Variants in FHIT observed in about 807,000 individuals in gnomAD.
FHIT encodes bis(5'-adenosyl)-triphosphatase.
FHIT carries 19 observed loss-of-function variants against 17.9 expected under a neutral mutation model. The ratio of observed to expected loss-of-function variants is 1.06; its 90% CI spans 0.74 to 1.56. The LOEUF (loss-of-function observed/expected upper bound fraction) is 1.56, where lower values mean the gene tolerates loss of function less well. Among genes scored for constraint, FHIT ranks in the 40% most tolerant of loss-of-function variants. The probability of loss-of-function intolerance (pLI) is 0.00; values close to 1 mark genes in which losing one functional copy is unlikely to be tolerated. For missense variants in FHIT, 248 were observed against 189.2 expected, an observed-to-expected ratio of 1.31 and a Z score of -1.82; for synonymous variants, 81 against 69.7, an observed-to-expected ratio of 1.16 and a Z score of -0.81.
chr3:60,458,147 G>C (rs983207033), intron 5 of FHIT, among the ~76,000 whole-genome samples: 28 of 152,092 alleles, frequency 1.8e-4, no homozygotes, highest in African/African-American at 5.5e-4. Context: ...TGTTTATTGC[G>C]GCACTACTCA....
intron 7 of FHIT, among the ~76,000 whole-genome samples, chr3:60,010,623 C>G (rs1037089794): frequency 1.3e-5 from 2 of 152,146 alleles, no homozygotes; most frequent in African/African-American, 4.8e-5. Flanking sequence ...AAAAATAGAG[C>G]CTTTTCTATG....
At chr3:61,014,298 C>T (rs945491174) in intron 3 of FHIT, among the ~76,000 whole-genome samples, 5 of 152,106 alleles carry the variant, frequency 3.3e-5, no homozygotes, top group Non-Finnish European at 7.4e-5. Flanking sequence ...CTCTCCTTTC[C>T]TTTGTCTCTG....
rs549554125 is a variant in FHIT, at chr3:60,398,221, C to G, written c.103+138639G>C. 2.0e-5 allele frequency among the ~76,000 whole-genome samples: 3 copies of G among 152,258 alleles called. No individual in the cohort carries two copies. In the South Asian group the frequency reaches 6.2e-4, roughly 32 times the overall value. On this transcript the variant is annotated intron_variant, in intron 5 of 9. Transcript: ENST00000492590. ...TACATTAACTCTCTTTCTCCTGTAG[C>G]TATGAGGAATGGGAAGCTGTGGTTA...
chr3:61,005,015 G>A (rs981492851), intron 3 of FHIT, among the ~76,000 whole-genome samples: 1 of 152,208 alleles, frequency 6.6e-6, no homozygotes, highest in Non-Finnish European at 1.5e-5. Flanking sequence ...ACAGCAGAGA[G>A]GGAGAAGAAC....
chr3:60,266,009 A>G (rs1349570280), intron 5 of FHIT, among the ~76,000 whole-genome samples: 1 of 152,002 alleles, frequency 6.6e-6, no homozygotes, highest in Admixed American at 6.6e-5. Flanking sequence ...TAAAGATAGT[A>G]TATATAAAGG....
At chr3:60,743,878 G>C (rs2042288011) in intron 4 of FHIT, among the ~76,000 whole-genome samples, 1 of 152,190 alleles carries the variant, frequency 6.6e-6, no homozygotes, top group African/African-American at 2.4e-5. Context: ...AGCTCGCTCT[G>C]TTTGGCTGGA....
chr3:60,237,873 T>C (rs567392767), intron 5 of FHIT, among the ~76,000 whole-genome samples: 4 of 152,100 alleles, frequency 2.6e-5, no homozygotes, highest in Non-Finnish European at 5.9e-5. Flanking sequence ...TGGTGGCTTA[T>C]GCCTATAATC....
At chr3:60,563,204 G>C (rs9863683) in intron 4 of FHIT, among the ~76,000 whole-genome samples, 17,274 of 152,174 alleles carry the variant, frequency 0.11, 1,183 homozygotes, top group Middle Eastern at 0.21. Context: ...ACTTGAGTTG[G>C]TGAGGCAGCA....
chr3:60,712,259 A>G (rs1170942199), intron 4 of FHIT, among the ~76,000 whole-genome samples: 1 of 152,216 alleles, frequency 6.6e-6, no homozygotes, highest in African/African-American at 2.4e-5. Flanking sequence ...GCTGCCCTAA[A>G]AGAGCTCCTG....
intron 3 of FHIT, among the ~76,000 whole-genome samples, chr3:61,024,178 C>G (rs895776126): frequency 6.6e-6 from 1 of 152,004 alleles, no homozygotes; most frequent in Non-Finnish European, 1.5e-5. Flanking sequence ...CGCATCTTTT[C>G]AAAACAACCT....
chr3:59,982,243 C>A (rs1315545416), intron 7 of FHIT, among the ~76,000 whole-genome samples: 3 of 151,208 alleles, frequency 2.0e-5, no homozygotes, highest in African/African-American at 7.3e-5. Flanking sequence ...CACAAAATAA[C>A]ATCCCTGAAG....
At chr3:61,069,470 T>C (rs28726379) in intron 2 of FHIT, among the ~76,000 whole-genome samples, 15,883 of 152,130 alleles carry the variant, frequency 0.1, 2,479 homozygotes, top group African/African-American at 0.34. Context: ...TAGCCATGAT[T>C]AAGGACTGTT....
chr3:60,873,092 GT>G (rs1281404920), intron 3 of FHIT, among the ~76,000 whole-genome samples: 2 of 151,886 alleles, frequency 1.3e-5, no homozygotes, highest in African/African-American at 4.8e-5. Context: ...TTTTTTGTCT[GT>G]TTTTGTTTTT....
chr3:60,352,776 G>A (rs1473247924), intron 5 of FHIT, among the ~76,000 whole-genome samples: 1 of 152,082 alleles, frequency 6.6e-6, no homozygotes, highest in East Asian at 1.9e-4. Flanking sequence ...AGCCTCACAG[G>A]TCACTGGGTT....
chr3:60,564,603 C>A (rs1166239633), intron 4 of FHIT, among the ~76,000 whole-genome samples: 4 of 152,070 alleles, frequency 2.6e-5, no homozygotes, highest in Admixed American at 6.6e-5. Flanking sequence ...TTGATTCCAG[C>A]CCTCATGGAT....
intron 7 of FHIT, among the ~76,000 whole-genome samples, chr3:59,934,596 C>T (rs1706138443): frequency 6.6e-6 from 1 of 152,152 alleles, no homozygotes; most frequent in Admixed American, 6.6e-5. Context: ...CTAATAAAGA[C>T]ATACCTGAGA....
chr3:59,963,586 A>C (rs1039077285), intron 7 of FHIT, among the ~76,000 whole-genome samples: 29 of 152,202 alleles, frequency 1.9e-4, no homozygotes, highest in Non-Finnish European at 4.4e-5. Context: ...AACATGTTTC[A>C]CGTATCCAAG....
At position 60,859,762 on chromosome 3, in the gene FHIT, T is replaced by G. The variant is rs1055438810; in HGVS notation, c.-110-37751A>C. ...TTTTTTTTTTTTTTTTTTTTTTTTT[T>G]GCCGAGCACGGTGGCTCATGCCTGT... On this transcript the variant is annotated intron_variant, in intron 3 of 9. Coordinates refer to ENST00000492590, the MANE Select transcript of FHIT (RefSeq NM_002012.4). Among the ~76,000 whole-genome samples the G allele has an allele frequency of 5.0e-4, 47 of 94,664 alleles. 2 individuals are homozygous for G. Among genetic ancestry groups the G allele is most frequent in the Admixed American group, 9.6e-4 (6 of 6,246 alleles). The allele number at this position is 94,664 out of a possible 152,430, so 62.1% of individuals were successfully genotyped here.
intron 5 of FHIT, among the ~76,000 whole-genome samples, chr3:60,455,012 T>C (rs974911496): frequency 6.6e-6 from 1 of 152,152 alleles, no homozygotes; most frequent in African/African-American, 2.4e-5. Flanking sequence ...TCAATGTCTT[T>C]AGTGACTATA....
Sources: allele counts gnomAD v4.1 joint callset (sites outside exome capture counted in the v4.1 genomes callset), GRCh38; gene constraint gnomAD v4.1.1; transcripts MANE v1.5; gene names NCBI Gene and HGNC (gene_info 2026-07-23, HGNC 2026-07-21).